NADSYN1: variants seen among roughly 807,000 people sequenced by gnomAD.
NADSYN1 encodes the protein glutamine-dependent NAD(+) synthetase.
Under a neutral mutation model 99.3 loss-of-function variants are expected in NADSYN1, and 80 were observed. The observed-to-expected ratio is 0.81, with a 90% confidence interval of 0.67 to 0.97. NADSYN1 has a LOEUF of 0.97. Ranked by LOEUF, NADSYN1 falls within the 50% of genes least tolerant of loss-of-function variation. The probability of loss-of-function intolerance (pLI) is 0.00; values close to 1 mark genes in which losing one functional copy is unlikely to be tolerated. For synonymous variants in NADSYN1, 385 were observed against 372.1 expected (o/e 1.03, Z -0.40); for missense variants, 859 against 948.5 (o/e 0.91, Z 1.24).
At chr11:71,497,065 A>G (rs1949825005) in intron 18 of NADSYN1, 1 of 220,804 alleles carries the variant, frequency 4.5e-6, no homozygotes, top group Non-Finnish European at 9.1e-6. Flanking sequence ...TTTTGTAGAG[A>G]CAAGGTCTTG....
intron 9 of NADSYN1, chr11:71,475,904 G>A (rs1020128971): frequency 5.0e-6 from 2 of 400,820 alleles, no homozygotes; most frequent in Admixed American, 2.9e-5. Flanking sequence ...AGTAGAGACA[G>A]GGTTTCACTG....
At chr11:71,463,001 C>T (rs1054229921) in intron 3 of NADSYN1, among the ~76,000 whole-genome samples, 1 of 152,136 alleles carries the variant, frequency 6.6e-6, no homozygotes, top group African/African-American at 2.4e-5. Context: ...AAGGGCCAGC[C>T]CGGAGCAGCA....
In NADSYN1 at chr11:71,498,511, C is replaced by G. The variant is rs758608004; in HGVS notation, c.2053C>G (p.Arg685Gly). ...LYNTSWPWQF[R>G]CIENQVLQLE... The stretch of plus-strand genomic sequence containing the variant: ...CAACACAAGCTGGCCTTGGCAGTTT[C>G]GGTGCATAGAAAATCAGGTAAATCC... Residue 685 changes from arginine to glycine, a missense_variant, in exon 20 of 21, where the codon CGG becomes GGG. Transcript: ENST00000319023. 2.2e-5 allele frequency: 36 copies of G among 1,613,868 alleles called. No individual in the cohort carries two copies. The highest frequency in any genetic ancestry group is 3.1e-5 in the Non-Finnish European group (36 of 1,179,962).
At chr11:71,493,620 A>G (rs1391038715) in intron 18 of NADSYN1, among the ~76,000 whole-genome samples, 3 of 152,202 alleles carry the variant, frequency 2.0e-5, no homozygotes, top group African/African-American at 4.8e-5. Context: ...AAGCTTATAG[A>G]ATAAGAAAAA....
intron 18 of NADSYN1, among the ~76,000 whole-genome samples, chr11:71,493,026 T>A (rs1949793866): frequency 6.6e-6 from 1 of 152,110 alleles, no homozygotes. Flanking sequence ...TAGCTGGGAT[T>A]ATGGGTGTGC....
chr11:71,480,768 G>GC lies in NADSYN1; in HGVS notation c.891dup (p.Tyr298LeufsTer22), dbSNP rs1555150684. ...CTCCATTGCCAGGCCAGCAGGGCGA[G>GC]CCCCTACCCCAGAGTGAAGGTGGAC... On this transcript the variant is annotated frameshift_variant, in exon 11 of 21. Coordinates refer to ENST00000319023, the MANE Select transcript of NADSYN1 (RefSeq NM_018161.5). LOFTEE classifies it high-confidence loss of function. The GC allele has an allele frequency of 6.2e-7, 1 of 1,614,148 alleles. No individual in the cohort carries two copies. Among genetic ancestry groups the GC allele is most frequent in the South Asian group, 1.1e-5 (1 of 91,084 alleles).
rs757620262 is a variant in NADSYN1 at position 71,498,522 on chromosome 11, A to G, written c.2064A>G (p.Glu688=). 1 of 1,613,708 alleles carries G rather than the reference A, an allele frequency of 6.2e-7. No homozygotes were observed. The highest frequency in any genetic ancestry group is 8.5e-7 in the Non-Finnish European group (1 of 1,179,690). Residue 688 remains glutamate (E), a synonymous_variant, in exon 20 of 21, where the codon GAA becomes GAG. Transcript: ENST00000319023. The stretch of plus-strand genomic sequence containing the variant: ...GGCCTTGGCAGTTTCGGTGCATAGA[A>G]AATCAGGTAAATCCAGCAGAAATGT... ...TSWPWQFRCI[E]NQVLQLERAE... is the part of the protein sequence containing the mutation.
rs575915911 is a variant in NADSYN1, at chr11:71,494,957, CAA to C, written c.1765-2525_1765-2524del. On this transcript the variant is annotated intron_variant, in intron 18 of 20. Coordinates refer to ENST00000319023, the MANE Select transcript of NADSYN1 (RefSeq NM_018161.5). ...TTGGTCATTTTAGCTAAAGGTTTGT[CAA>C]TTTTTTTTTTTAATCTTTCCAAGCA... is the stretch of plus-strand genomic sequence containing the variant. Among the ~76,000 whole-genome samples, 7 of 151,864 alleles carry C rather than the reference CAA, an allele frequency of 4.6e-5. No homozygotes were observed. In the East Asian group the frequency reaches 1.4e-3, roughly 29 times the overall value.
chr11:71,465,850 T>A (rs896720785), intron 5 of NADSYN1, among the ~76,000 whole-genome samples: 1 of 152,246 alleles, frequency 6.6e-6, no homozygotes, highest in African/African-American at 2.4e-5. Context: ...TAAATTCTCC[T>A]ATTGTGTCTG....
intron 11 of NADSYN1, 37 bp from the exon 12 acceptor site, chr11:71,481,319 C>T: frequency 6.2e-7 from 1 of 1,611,582 alleles, no homozygotes; most frequent in South Asian, 1.1e-5. Context: ...GGGCAGGGGC[C>T]ACCGCCTCCG....
rs1949732481 is a variant in NADSYN1, at chr11:71,484,891, G to A, written c.1455+444G>A. 2.0e-5 allele frequency: 4 copies of A among 200,884 alleles called. No individual in the cohort carries two copies. The South Asian group carries it at 4.1e-4, about 21-fold the overall frequency. 12.4% of individuals were successfully genotyped at this position (200,884 alleles called of 1,614,324 possible). A position where few individuals can be genotyped will look rare whatever the true frequency, so the allele number is the denominator to read the frequency against. Reference sequence around the variant, plus strand: ...CTTGTGCAAAAGCAAGTGTGAGTGTGGATGTGTGAGTGTGCACAAACGTGA... The same window carrying A: ...CTTGTGCAAAAGCAAGTGTGAGTGTAGATGTGTGAGTGTGCACAAACGTGA... On this transcript the variant is annotated intron_variant, in intron 15 of 20. Transcript: ENST00000319023.
At chr11:71,488,553 G>A (rs961148931) in intron 16 of NADSYN1, among the ~76,000 whole-genome samples, 34 of 152,182 alleles carry the variant, frequency 2.2e-4, no homozygotes, top group African/African-American at 8.0e-4. Flanking sequence ...AGAGGGAGGT[G>A]TGAGACGTCA....
At chr11:71,478,203 C>T (rs910580486) in intron 9 of NADSYN1, among the ~76,000 whole-genome samples, 192 bp from the exon 10 acceptor site, 1 of 152,082 alleles carries the variant, frequency 6.6e-6, no homozygotes, top group African/African-American at 2.4e-5. Context: ...GTGGAGGTTC[C>T]GGTGGCAACA....
In NADSYN1 at chr11:71,474,522, A is replaced by G; in HGVS notation, c.794A>G (p.Asp265Gly). 6.2e-7 allele frequency: 1 copy of G among 1,614,076 alleles called. No homozygotes were observed. The highest frequency in any genetic ancestry group is 8.5e-7 in the Non-Finnish European group (1 of 1,179,954). ...CAAGGATCCCAGTTTTCTCTGGATGACGTGGTAATGAGCGGGCCTGGACAT... is the reference window on the plus strand; with the variant it reads ...CAAGGATCCCAGTTTTCTCTGGATGGCGTGGTAATGAGCGGGCCTGGACAT... ...FAQGSQFSLDDVEVLTATLDL... is the reference protein window; with the variant it reads ...FAQGSQFSLDGVEVLTATLDL... Residue 265 changes from aspartate to glycine, a missense_variant, in exon 9 of 21, where the codon GAC (aspartate) becomes GGC (glycine). Transcript: ENST00000319023.
At chr11:71,469,927 G>GAAAAAAAAAAAAAAAAAAA (rs749801544) in intron 5 of NADSYN1, among the ~76,000 whole-genome samples, 4 of 109,162 alleles carry the variant, frequency 3.7e-5, no homozygotes, top group Non-Finnish European at 5.1e-5. Context: ...GCCTGTCTCA[G>GAAAAAAAAAAAAAAAAAAA]AAAAAAAAAA....
At chr11:71,458,667 C>G in intron 3 of NADSYN1, 123 bp downstream of exon 3, 1 of 713,066 alleles carries the variant, frequency 1.4e-6, no homozygotes, top group South Asian at 1.6e-5. Context: ...TACGAAAGGC[C>G]TTATGCTTGA....
At position 71,498,381 on chromosome 11, in the gene NADSYN1, C is replaced by T. The variant is rs1949834693; in HGVS notation, c.1923C>T (p.Ser641=). The change falls in exon 20 of 21, where the codon TCC becomes TCT. Residue 641 remains serine, a synonymous_variant. Coordinates refer to ENST00000319023, the MANE Select transcript of NADSYN1 (RefSeq NM_018161.5). ...QVADKVKRFF[S]KYSMNRHKMT... is the part of the protein sequence containing the mutation. Reference sequence around the variant, plus strand: ...CTGACAAAGTGAAGCGGTTTTTCTCCAAGTACTCCATGAACAGACACAAGA... The same window carrying T: ...CTGACAAAGTGAAGCGGTTTTTCTCTAAGTACTCCATGAACAGACACAAGA... 7 of 1,614,176 alleles carry T rather than the reference C, an allele frequency of 4.3e-6. No individual in the cohort carries two copies. The highest frequency in any genetic ancestry group is 5.9e-6 in the Non-Finnish European group (7 of 1,180,032).
At chr11:71,463,978 G>GGTGGCACTGACCACCGCCA (rs1334123570) in intron 4 of NADSYN1, 75 bp from the exon 5 acceptor site, 5 of 1,228,130 alleles carry the variant, frequency 4.1e-6, no homozygotes, top group Non-Finnish European at 4.7e-6. Context: ...CTCGTCACTT[G>GGTGGCACTGACCACCGCCA]GTGGCACTGA....
At position 71,489,162 on chromosome 11, in the gene NADSYN1, A is replaced by G. The variant is rs1949763024; in HGVS notation, c.1563-1683A>G. 2.0e-5 allele frequency among the ~76,000 whole-genome samples: 3 copies of G among 152,142 alleles called. No individual in the cohort carries two copies. In the South Asian group the frequency reaches 6.2e-4, roughly 32 times the overall value. On this transcript the variant is annotated intron_variant, in intron 16 of 20. Coordinates refer to ENST00000319023, the MANE Select transcript of NADSYN1 (RefSeq NM_018161.5). Reference sequence around the variant, plus strand: ...GTGTTGAAGTTAGGCTTCTAACAACATGATTTCAGCTGATGGAAGTGACCA... The same window carrying G: ...GTGTTGAAGTTAGGCTTCTAACAACGTGATTTCAGCTGATGGAAGTGACCA...
Sources: allele counts gnomAD v4.1 joint callset (sites outside exome capture counted in the v4.1 genomes callset), GRCh38; gene constraint gnomAD v4.1.1; transcripts MANE v1.5; gene names NCBI Gene and HGNC (gene_info 2026-07-23, HGNC 2026-07-21).